Variants in AGAP1 observed in about 807,000 individuals in gnomAD.
AGAP1 encodes the protein arf-GAP with GTPase, ANK repeat and PH domain-containing protein 1.
In AGAP1, 29 loss-of-function variants were observed where a neutral mutation model predicts 105.3. That is an observed-to-expected ratio of 0.28 (90% CI 0.21 to 0.38). The LOEUF is 0.38. AGAP1 is among the 10% of genes least tolerant of loss of function. The pLI is 1.00. For missense variants in AGAP1, 998 were observed against 1,165.1 expected, an observed-to-expected ratio of 0.86 and a Z score of 2.09; for synonymous variants, 509 against 485.9, an observed-to-expected ratio of 1.05 and a Z score of -0.63.
rs1261988095 is a variant in AGAP1 at position 235,927,216 on chromosome 2, A to G, written c.1325-3549A>G. Among the ~76,000 whole-genome samples, 1 of 151,996 alleles carries G rather than the reference A, an allele frequency of 6.6e-6. No homozygotes were observed. Among genetic ancestry groups the G allele is most frequent in the Non-Finnish European group, 1.5e-5 (1 of 68,004 alleles). ...GCTCTAAGAGTCTGCCGTCAGAAGG[A>G]TTGTGGATAGCTGGTCTGGTGTCTT... On this transcript the variant is annotated intron_variant, in intron 11 of 17. Transcript: ENST00000304032. This position sits in a 1 kb window ranked among gnomAD's most constrained non-coding sequence, Gnocchi z 4.4.
At chr2:235,745,042 AAC>A (rs1239418378) in intron 5 of AGAP1, among the ~76,000 whole-genome samples, 2 of 151,968 alleles carry the variant, frequency 1.3e-5, no homozygotes, top group Admixed American at 6.6e-5. Flanking sequence ...ACCTGAAAAC[AAC>A]ACACACACAC....
At chr2:236,015,378 T>C (rs1185597709) in intron 13 of AGAP1, among the ~76,000 whole-genome samples, 1 of 82,816 alleles carries the variant, frequency 1.2e-5, no homozygotes, top group Non-Finnish European at 2.2e-5. Context: ...GCCATTTGCA[T>C]GGGCTGCTAT....
chr2:235,659,928 G>T lies in AGAP1; in HGVS notation c.164-49251G>T, dbSNP rs565995042. Among the ~76,000 whole-genome samples the T allele has an allele frequency of 6.6e-6, 1 of 152,318 alleles. No homozygotes were observed. Among genetic ancestry groups the T allele is most frequent in the African/African-American group, 2.4e-5 (1 of 41,574 alleles). On this transcript the variant is annotated intron_variant, in intron 1 of 17. Coordinates refer to ENST00000304032, the MANE Select transcript of AGAP1 (RefSeq NM_001037131.3). This position sits in a 1 kb window ranked among gnomAD's most constrained non-coding sequence, Gnocchi z 5.0. ...ATGGGCCTGGCATGGGCCCAGGCTGGTGGGGTGGGCAGGGAAGGAACAGGC... is the reference window on the plus strand; with the variant it reads ...ATGGGCCTGGCATGGGCCCAGGCTGTTGGGGTGGGCAGGGAAGGAACAGGC...
rs1442610171 is a variant in AGAP1, at chr2:236,109,167, C to T, written c.2115-11025C>T. Among the ~76,000 whole-genome samples, 1 of 152,180 alleles carries T rather than the reference C, an allele frequency of 6.6e-6. No homozygotes were observed. Among genetic ancestry groups the T allele is most frequent in the African/African-American group, 2.4e-5 (1 of 41,446 alleles). ...GCGCTCTCCAGGTGTCCCCAGAGGTCTTGGTCTATGCTTTGCTCATCACTG... is the reference window on the plus strand; with the variant it reads ...GCGCTCTCCAGGTGTCCCCAGAGGTTTTGGTCTATGCTTTGCTCATCACTG... On this transcript the variant is annotated intron_variant, in intron 16 of 17. Transcript: ENST00000304032. This position sits in a 1 kb window ranked among gnomAD's most constrained non-coding sequence, Gnocchi z 5.4.
intron 5 of AGAP1, among the ~76,000 whole-genome samples, chr2:235,749,751 A>G (rs543816430): frequency 2.7e-4 from 41 of 152,326 alleles, no homozygotes; most frequent in African/African-American, 9.1e-4. Flanking sequence ...ATCAGTTAAC[A>G]GTGTGGCCAT....
chr2:235,755,976 G>A (rs575904629), intron 6 of AGAP1, among the ~76,000 whole-genome samples: 2 of 152,288 alleles, frequency 1.3e-5, no homozygotes, highest in East Asian at 1.9e-4. Flanking sequence ...CCCTTCAGAA[G>A]GCCAAGTCAT....
intron 15 of AGAP1, among the ~76,000 whole-genome samples, chr2:236,043,080 G>C (rs748611115): frequency 1.5e-4 from 23 of 152,202 alleles, no homozygotes; most frequent in Non-Finnish European, 2.6e-4. Context: ...GAATGGAAAG[G>C]CTCAGAAGAT....
rs148556889 is a variant in AGAP1, at chr2:235,719,621, A to G, written c.310+1977A>G. On this transcript the variant is annotated intron_variant, in intron 3 of 17. Coordinates refer to ENST00000304032, the MANE Select transcript of AGAP1 (RefSeq NM_001037131.3). This position sits in a 1 kb window ranked among gnomAD's most constrained non-coding sequence, Gnocchi z 4.9. ...ATTTTTAAGAGTAGGAGCGTGGGTG[A>G]GTACCTTCCTTTCTTCATCTGCAAA... Among the ~76,000 whole-genome samples, 14 of 152,304 alleles carry G rather than the reference A, an allele frequency of 9.2e-5. No homozygotes were observed. In the East Asian group the frequency reaches 2.1e-3, roughly 23 times the overall value.
chr2:235,781,049 C>T (rs1956230598), intron 6 of AGAP1, among the ~76,000 whole-genome samples: 1 of 152,182 alleles, frequency 6.6e-6, no homozygotes, highest in Admixed American at 6.5e-5. Context: ...CTAATAATGA[C>T]AGAGGCAAAC....
At position 235,601,783 on chromosome 2, in the gene AGAP1, A is replaced by G. The variant is rs1945739427; in HGVS notation, c.163+106934A>G. Among the ~76,000 whole-genome samples the G allele has an allele frequency of 6.6e-6, 1 of 152,076 alleles. No homozygotes were observed. Among genetic ancestry groups the G allele is most frequent in the Non-Finnish European group, 1.5e-5 (1 of 68,026 alleles). On this transcript the variant is annotated intron_variant, in intron 1 of 17. Transcript: ENST00000304032. This position sits in a 1 kb window ranked among gnomAD's most constrained non-coding sequence, Gnocchi z 4.4. ...GATCACTGGAGGCCAGGAGTTTAAG[A>G]CCAGCCTGGGCAACCTCTTTTAAAG...
chr2:236,126,653 A>C lies in AGAP1; in HGVS notation c.*2531A>C, dbSNP rs1040254595. 3 of 152,148 alleles carry C rather than the reference A, an allele frequency of 2.0e-5. No homozygotes were observed. The East Asian group carries it at 5.8e-4, about 29-fold the overall frequency. The allele number at this position is 152,148 out of a possible 1,614,324, so 9.4% of individuals were successfully genotyped here. On this transcript the variant is annotated 3_prime_UTR_variant, in exon 18 of 18. Coordinates refer to ENST00000304032, the MANE Select transcript of AGAP1 (RefSeq NM_001037131.3). ...AAGCTGCCATGACTCCCCCTCAGAA[A>C]ACACAGCCCCTCCTCTACCATTCTC...
At position 235,993,520 on chromosome 2, in the gene AGAP1, T is replaced by C. The variant is rs2055662949; in HGVS notation, c.1645+24897T>C. Among the ~76,000 whole-genome samples, 1 of 152,208 alleles carries C rather than the reference T, an allele frequency of 6.6e-6. No homozygotes were observed. Among genetic ancestry groups the C allele is most frequent in the African/African-American group, 2.4e-5 (1 of 41,450 alleles). The stretch of plus-strand genomic sequence containing the variant: ...AGGGAGGTAGTAATTGGATTTGCGA[T>C]GTATTTCTTTTCTGCAAGTATGGTT... On this transcript the variant is annotated intron_variant, in intron 13 of 17. Coordinates refer to ENST00000304032, the MANE Select transcript of AGAP1 (RefSeq NM_001037131.3). The surrounding 1 kb of genome is among the most constrained non-coding windows in gnomAD (Gnocchi z 5.0).
chr2:235,671,935 G>C (rs1436050847), intron 1 of AGAP1, among the ~76,000 whole-genome samples: 1 of 152,164 alleles, frequency 6.6e-6, no homozygotes, highest in African/African-American at 2.4e-5. Context: ...ATCACCCTGA[G>C]GGGGATTCTG....
In AGAP1 at chr2:235,711,561, G is replaced by A. The variant is rs564692331; in HGVS notation, c.222+2324G>A. Reference sequence around the variant, plus strand: ...TGCTGACACCGTGGGCTTCGATGCTGTTGGTTCTACAGTTCTCAGAACGGT... The same window carrying A: ...TGCTGACACCGTGGGCTTCGATGCTATTGGTTCTACAGTTCTCAGAACGGT... On this transcript the variant is annotated intron_variant, in intron 2 of 17. Transcript: ENST00000304032. 1.5e-3 allele frequency among the ~76,000 whole-genome samples: 225 copies of A among 152,344 alleles called. 1 individual carries two copies. Among genetic ancestry groups the A allele is most frequent in the African/African-American group, 4.7e-3 (197 of 41,572 alleles).
chr2:235,891,640 A>C lies in AGAP1; in HGVS notation c.1155+8191A>C, dbSNP rs912397903. 6.6e-6 allele frequency among the ~76,000 whole-genome samples: 1 copy of C among 152,182 alleles called. No homozygotes were observed. The highest frequency in any genetic ancestry group is 1.5e-5 in the Non-Finnish European group (1 of 68,028). ...AGTGCAAGGCTGCAATTCCCTGCTG[A>C]CAAAGATGTGTGCAGTGAGATTCCT... On this transcript the variant is annotated intron_variant, in intron 10 of 17. Transcript: ENST00000304032. The surrounding 1 kb of genome is among the most constrained non-coding windows in gnomAD (Gnocchi z 4.2).
At chr2:236,117,408 G>A (rs968541246) in intron 16 of AGAP1, among the ~76,000 whole-genome samples, 3 of 152,190 alleles carry the variant, frequency 2.0e-5, no homozygotes, top group African/African-American at 7.2e-5. Context: ...GAGATGTGAG[G>A]ACAGAGAATC....
chr2:236,077,016 G>A (rs1346336237), intron 16 of AGAP1, among the ~76,000 whole-genome samples: 4 of 151,084 alleles, frequency 2.6e-5, no homozygotes, highest in Non-Finnish European at 3.0e-5. Context: ...AGGCTGAGGC[G>A]GGAGGATCGC....
intron 12 of AGAP1, among the ~76,000 whole-genome samples, chr2:235,949,214 A>AAAATCCG (rs780550347): frequency 1.8e-4 from 28 of 152,198 alleles, no homozygotes; most frequent in Non-Finnish European, 2.9e-4. Flanking sequence ...CCCAAAATCC[A>AAAATCCG]AAATCCGAAG....
chr2:235,795,504 A>G (rs1419578074), intron 6 of AGAP1, among the ~76,000 whole-genome samples: 1 of 152,140 alleles, frequency 6.6e-6, no homozygotes. Flanking sequence ...TTTGTTCTTC[A>G]TTAAAGTTTT....
Sources: allele counts gnomAD v4.1 joint callset (sites outside exome capture counted in the v4.1 genomes callset), GRCh38; gene constraint gnomAD v4.1.1; non-coding constraint Gnocchi (gnomAD v3.1); transcripts MANE v1.5; gene names NCBI Gene and HGNC (gene_info 2026-07-23, HGNC 2026-07-21).